SEMA5A: variants seen among roughly 807,000 people sequenced by gnomAD.
SEMA5A encodes the protein semaphorin 5A.
In SEMA5A, 55 loss-of-function variants were observed where a neutral mutation model predicts 135.5. The observed-to-expected ratio is 0.41, with a 90% CI of 0.33 to 0.51. SEMA5A has a LOEUF of 0.51. Ranked by LOEUF, SEMA5A falls within the 20% of genes least tolerant of loss-of-function variation. The pLI, the probability that SEMA5A is intolerant of heterozygous loss-of-function variation, is 0.37. For synonymous variants in SEMA5A, 580 were observed against 546.5 expected (o/e 1.06, Z -0.85); for missense variants, 1,290 against 1,419.9 (o/e 0.91, Z 1.47).
intron 5 of SEMA5A, 41 bp downstream of exon 5, chr5:9,318,331 G>A (rs372610077): frequency 1.2e-4 from 186 of 1,573,528 alleles, no homozygotes; most frequent in South Asian, 2.1e-4. Flanking sequence ...GAGTTAATTG[G>A]GATGGAAAAT....
chr5:9,383,401 A>G (rs1485083597), intron 2 of SEMA5A, among the ~76,000 whole-genome samples: 1 of 152,220 alleles, frequency 6.6e-6, no homozygotes, highest in Non-Finnish European at 1.5e-5. Flanking sequence ...TCACAGTCCC[A>G]CATCAAAACA....
chr5:9,044,813 T>C (rs1003777109), intron 21 of SEMA5A, among the ~76,000 whole-genome samples: 7 of 151,992 alleles, frequency 4.6e-5, no homozygotes, highest in African/African-American at 1.5e-4. Context: ...AAATGGAGTT[T>C]TACTCTTGTT....
At chr5:9,367,953 A>G (rs1224598813) in intron 3 of SEMA5A, among the ~76,000 whole-genome samples, 1 of 152,190 alleles carries the variant, frequency 6.6e-6, no homozygotes, top group Non-Finnish European at 1.5e-5. Context: ...TGCCATGAGT[A>G]AAAGCTTTCT....
chr5:9,185,868 T>C (rs1175148767), intron 11 of SEMA5A, among the ~76,000 whole-genome samples: 3 of 152,028 alleles, frequency 2.0e-5, no homozygotes, highest in African/African-American at 4.8e-5. Context: ...GGCCATGCTG[T>C]GGAAAAAGCC....
At chr5:9,266,800 A>G (rs1319619939) in intron 5 of SEMA5A, among the ~76,000 whole-genome samples, 1 of 152,228 alleles carries the variant, frequency 6.6e-6, no homozygotes, top group Non-Finnish European at 1.5e-5. Context: ...CCCCAAGTTC[A>G]GACTGCTGAA....
At chr5:9,152,789 G>T (rs1742700772) in intron 12 of SEMA5A, among the ~76,000 whole-genome samples, 1 of 152,190 alleles carries the variant, frequency 6.6e-6, no homozygotes, top group Non-Finnish European at 1.5e-5. Context: ...AGCAACAACA[G>T]GGCTGGGCGC....
chr5:9,405,812 G>A (rs1756862450), intron 2 of SEMA5A, among the ~76,000 whole-genome samples: 1 of 152,106 alleles, frequency 6.6e-6, no homozygotes, highest in Admixed American at 6.6e-5. Flanking sequence ...CATTGAATTG[G>A]CCATATAGAA....
intron 21 of SEMA5A, among the ~76,000 whole-genome samples, chr5:9,047,815 A>G (rs922798573): frequency 4.6e-5 from 7 of 152,218 alleles, no homozygotes; most frequent in African/African-American, 1.7e-4. Flanking sequence ...ATATCTCAGA[A>G]TAGTTCAACT....
At chr5:9,044,863 C>T (rs953044923) in intron 21 of SEMA5A, among the ~76,000 whole-genome samples, 1 of 152,102 alleles carries the variant, frequency 6.6e-6, no homozygotes, top group Non-Finnish European at 1.5e-5. Context: ...CAGCTCAACA[C>T]AACCTCTACC....
At position 9,216,253 on chromosome 5, in the gene SEMA5A, C is replaced by T. The variant is rs1217891292; in HGVS notation, c.646+8421G>A. On this transcript the variant is annotated intron_variant, in intron 8 of 22. Coordinates refer to ENST00000382496, the MANE Select transcript of SEMA5A (RefSeq NM_003966.3). ...ATTTCATTGTTTACACAAAAGTCAC[C>T]CAGGAGCATGTTGTTCGATTTCCAT... Among the ~76,000 whole-genome samples, 11 of 152,184 alleles carry T rather than the reference C, an allele frequency of 7.2e-5. No individual in the cohort carries two copies. In the East Asian group the frequency reaches 2.1e-3, roughly 29 times the overall value.
chr5:9,534,728 A>T (rs573101127), intron 1 of SEMA5A, among the ~76,000 whole-genome samples: 1 of 152,328 alleles, frequency 6.6e-6, no homozygotes, highest in South Asian at 2.1e-4. Flanking sequence ...CAGCAGTGGC[A>T]GTGGCACGGG....
Position 9,122,848 on chromosome 5 carries a change from A to T in SEMA5A, c.1600-11T>A. ...GGTGAGATTCCTGGTCTAGGAAGCAAAACCAAGCAGAGGTGTCAGAAAAGG... is the reference window on the plus strand; with the variant it reads ...GGTGAGATTCCTGGTCTAGGAAGCATAACCAAGCAGAGGTGTCAGAAAAGG... On this transcript the variant is annotated splice_polypyrimidine_tract_variant and intron_variant, in intron 13 of 22. Transcript: ENST00000382496. 3 of 1,586,126 alleles carry T rather than the reference A, an allele frequency of 1.9e-6. No homozygotes were observed. Among genetic ancestry groups the T allele is most frequent in the Non-Finnish European group, 2.6e-6 (3 of 1,162,120 alleles).
At chr5:9,148,344 A>T (rs1451411550) in intron 12 of SEMA5A, among the ~76,000 whole-genome samples, 1 of 152,140 alleles carries the variant, frequency 6.6e-6, no homozygotes, top group East Asian at 1.9e-4. Context: ...CGGCCACCTA[A>T]ACTTTTCCTG....
chr5:9,151,386 G>A (rs1009974129), intron 12 of SEMA5A, among the ~76,000 whole-genome samples: 1 of 152,144 alleles, frequency 6.6e-6, no homozygotes, highest in East Asian at 1.9e-4. Context: ...GCATTACTGA[G>A]ATTCTATGAT....
At chr5:9,154,034 A>G (rs1742781474) in intron 12 of SEMA5A, among the ~76,000 whole-genome samples, 1 of 122,292 alleles carries the variant, frequency 8.2e-6, no homozygotes, top group Non-Finnish European at 1.6e-5. Flanking sequence ...TGACAGAGTG[A>G]GACTGTGTCT....
intron 21 of SEMA5A, among the ~76,000 whole-genome samples, chr5:9,047,604 A>G (rs1034198773): frequency 1.3e-5 from 2 of 152,214 alleles, no homozygotes; most frequent in African/African-American, 4.8e-5. Flanking sequence ...TGTTGGTTCA[A>G]TTGGCTAATA....
chr5:9,523,108 G>A (rs555577246), intron 1 of SEMA5A: 58 of 152,166 alleles, frequency 3.8e-4, no homozygotes, highest in African/African-American at 1.3e-3. Context: ...TGTAAAATGG[G>A]AATTAACTCA....
At chr5:9,300,114 G>T (rs1751542625) in intron 5 of SEMA5A, among the ~76,000 whole-genome samples, 1 of 152,122 alleles carries the variant, frequency 6.6e-6, no homozygotes. Context: ...GCAGCATCGA[G>T]CTCCCCAGTC....
chr5:9,467,263 C>A (rs1759296375), intron 1 of SEMA5A, among the ~76,000 whole-genome samples: 1 of 152,166 alleles, frequency 6.6e-6, no homozygotes, highest in South Asian at 2.1e-4. Context: ...CAGGCATCAA[C>A]CACTGTGCCT....
Sources: allele counts gnomAD v4.1 joint callset (sites outside exome capture counted in the v4.1 genomes callset), GRCh38; gene constraint gnomAD v4.1.1; transcripts MANE v1.5; gene names NCBI Gene and HGNC (gene_info 2026-07-23, HGNC 2026-07-21).